Variants in CDH13 observed in about 807,000 individuals in gnomAD.
CDH13 encodes cadherin-13.
Under a neutral mutation model 63.8 loss-of-function variants are expected in CDH13, and 24 were observed. The observed-to-expected ratio is 0.38, with a 90% CI of 0.27 to 0.53. The LOEUF is 0.53. CDH13 is among the 20% of genes least tolerant of loss of function. The pLI, the probability that CDH13 is intolerant of heterozygous loss-of-function variation, is 0.85. For synonymous variants in CDH13, 503 were observed against 355.3 expected, an observed-to-expected ratio of 1.42 and a Z score of -4.67; for missense variants, 1,049 against 903.1, an observed-to-expected ratio of 1.16 and a Z score of -2.07.
intron 7 of CDH13, among the ~76,000 whole-genome samples, chr16:83,592,313 TATCTC>T (rs779672743): frequency 9.8e-5 from 15 of 152,328 alleles, no homozygotes; most frequent in African/African-American, 2.6e-4. Context: ...TGATAACACT[TATCTC>T]ATCTGACCTT....
chr16:83,284,846 T>A (rs1213798897), intron 5 of CDH13, among the ~76,000 whole-genome samples: 2 of 152,080 alleles, frequency 1.3e-5, no homozygotes, highest in Non-Finnish European at 2.9e-5. Context: ...TCAGTATACG[T>A]TGAAGGAAAC....
intron 1 of CDH13, among the ~76,000 whole-genome samples, chr16:82,658,057 T>C (rs558499711): frequency 6.6e-6 from 1 of 152,276 alleles, no homozygotes; most frequent in South Asian, 2.1e-4. Context: ...CTTTTTGTAG[T>C]TGTTCTTTAT....
At chr16:83,282,679 T>C (rs974828406) in intron 5 of CDH13, among the ~76,000 whole-genome samples, 2 of 152,178 alleles carry the variant, frequency 1.3e-5, no homozygotes, top group Non-Finnish European at 2.9e-5. Flanking sequence ...AAATAGGAAA[T>C]GGAAGAAAGT....
chr16:83,794,811 T>C (rs1345641527), intron 13 of CDH13, among the ~76,000 whole-genome samples: 3 of 152,158 alleles, frequency 2.0e-5, no homozygotes, highest in South Asian at 4.1e-4. Context: ...GAAGTCACCA[T>C]TAGCATTTTC....
At position 83,382,473 on chromosome 16, in the gene CDH13, A is replaced by G. The variant is rs761561548; in HGVS notation, c.781+37467A>G. On this transcript the variant is annotated intron_variant, in intron 6 of 13. Transcript: ENST00000567109. Reference sequence around the variant, plus strand: ...CAGCTATTCACATTTCACTGCGTACACTCTATCTCCCTATGTATGTATCTA... The same window carrying G: ...CAGCTATTCACATTTCACTGCGTACGCTCTATCTCCCTATGTATGTATCTA... Among the ~76,000 whole-genome samples the G allele has an allele frequency of 3.9e-5, 6 of 151,986 alleles. 2 individuals carry two copies. The highest frequency in any genetic ancestry group is 3.9e-4 in the Admixed American group (6 of 15,258).
chr16:82,735,713 G>C (rs1409403395), intron 1 of CDH13, among the ~76,000 whole-genome samples: 2 of 152,208 alleles, frequency 1.3e-5, no homozygotes, highest in South Asian at 4.1e-4. Flanking sequence ...TCTGAGGAAA[G>C]CGAGACCACA....
chr16:83,225,578 C>A (rs930340520), intron 5 of CDH13, among the ~76,000 whole-genome samples: 1 of 151,440 alleles, frequency 6.6e-6, no homozygotes, highest in East Asian at 1.9e-4. Flanking sequence ...GGGAAATTAG[C>A]CTTGGGGTCG....
chr16:83,124,494 A>T (rs2035724961), intron 3 of CDH13, among the ~76,000 whole-genome samples: 1 of 150,680 alleles, frequency 6.6e-6, no homozygotes, highest in Non-Finnish European at 1.5e-5. Context: ...GCTGTGCAGA[A>T]GCTTTTAAGT....
At chr16:82,766,290 T>G (rs1360551242) in intron 1 of CDH13, among the ~76,000 whole-genome samples, 1 of 152,226 alleles carries the variant, frequency 6.6e-6, no homozygotes, top group Admixed American at 6.5e-5. Context: ...GCAAAACCCG[T>G]AAATCCGTAG....
chr16:82,766,060 T>C (rs949761941), intron 1 of CDH13, among the ~76,000 whole-genome samples: 3 of 152,202 alleles, frequency 2.0e-5, no homozygotes, highest in African/African-American at 7.2e-5. Flanking sequence ...AGCTTAAGAA[T>C]TGAGGTGCCC....
intron 5 of CDH13, among the ~76,000 whole-genome samples, chr16:83,302,599 A>G (rs1274010391): frequency 6.6e-6 from 1 of 152,248 alleles, no homozygotes; most frequent in Non-Finnish European, 1.5e-5. Context: ...AAATGTTGCA[A>G]ACATCTGATA....
At chr16:83,215,777 C>T (rs1229116073) in intron 4 of CDH13, among the ~76,000 whole-genome samples, 1 of 152,158 alleles carries the variant, frequency 6.6e-6, no homozygotes, top group Non-Finnish European at 1.5e-5. Context: ...AATTTGGTGA[C>T]AGCTAGATCT....
At chr16:82,861,364 A>T (rs111978406) in intron 2 of CDH13, among the ~76,000 whole-genome samples, 3 of 152,188 alleles carry the variant, frequency 2.0e-5, no homozygotes, top group African/African-American at 7.2e-5. Context: ...TAATCAATCA[A>T]TTGATGTCTA....
intron 5 of CDH13, among the ~76,000 whole-genome samples, chr16:83,299,571 G>T (rs945757381): frequency 6.6e-6 from 1 of 152,154 alleles, no homozygotes; most frequent in Non-Finnish European, 1.5e-5. Flanking sequence ...CCACATAAGT[G>T]TATTGAGTAC....
intron 4 of CDH13, among the ~76,000 whole-genome samples, chr16:83,179,481 TAAA>T (rs565547312): frequency 8.0e-4 from 55 of 69,078 alleles, no homozygotes; most frequent in African/African-American, 3.4e-3. Context: ...CCGTCTCTAC[TAAA>T]AAAAAAAAAA....
chr16:82,887,254 A>C (rs920382291), intron 2 of CDH13, among the ~76,000 whole-genome samples: 10 of 152,290 alleles, frequency 6.6e-5, no homozygotes, highest in African/African-American at 9.6e-5. Context: ...CTGTGTTGTG[A>C]CTACTACACA....
intron 6 of CDH13, among the ~76,000 whole-genome samples, chr16:83,484,871 C>T (rs2073851172): frequency 6.6e-6 from 1 of 152,196 alleles, no homozygotes; most frequent in South Asian, 2.1e-4. Context: ...TTTCTGTATA[C>T]TTCAAGTTGC....
At chr16:83,670,766 C>T in intron 8 of CDH13, 24 bp from the exon 9 acceptor site, 1 of 1,611,180 alleles carries the variant, frequency 6.2e-7, no homozygotes. Context: ...AAATAGTGAC[C>T]ATTACCATCT....
chr16:83,405,593 A>T (rs542759330), intron 6 of CDH13, among the ~76,000 whole-genome samples: 1 of 152,352 alleles, frequency 6.6e-6, no homozygotes, highest in Admixed American at 6.5e-5. Flanking sequence ...CGACCTCCAG[A>T]ACTGTCAGAG....
Sources: allele counts gnomAD v4.1 joint callset (sites outside exome capture counted in the v4.1 genomes callset), GRCh38; gene constraint gnomAD v4.1.1; transcripts MANE v1.5; gene names NCBI Gene and HGNC (gene_info 2026-07-23, HGNC 2026-07-21).